Variants in WASL observed in about 807,000 individuals in gnomAD.
The protein encoded by WASL is actin nucleation-promoting factor WASL.
Under a neutral mutation model 55.5 loss-of-function variants are expected in WASL, and 20 were observed. The ratio of observed to expected loss-of-function variants is 0.36; its 90% CI spans 0.25 to 0.52. The LOEUF (loss-of-function observed/expected upper bound fraction) is 0.52, where lower values mean the gene tolerates loss of function less well. Among genes scored for constraint, WASL ranks in the 20% least tolerant of loss-of-function variants. The pLI is 0.92. For missense variants in WASL, 504 were observed against 622.5 expected (o/e 0.81, Z 2.03); for synonymous variants, 249 against 217.6 (o/e 1.14, Z -1.27).
At chr7:123,742,954 T>C (rs375713615) in intron 1 of WASL, among the ~76,000 whole-genome samples, 1 of 152,222 alleles carries the variant, frequency 6.6e-6, no homozygotes, top group African/African-American at 2.4e-5. Context: ...GAATCTAGAA[T>C]AGTTAAACTG....
intron 2 of WASL, 71 bp from the exon 3 acceptor site, chr7:123,706,897 A>G: frequency 1.1e-6 from 1 of 896,644 alleles, no homozygotes; most frequent in Non-Finnish European, 1.7e-6. Flanking sequence ...AAAGAAGATG[A>G]CTCATATTAA....
chr7:123,747,309 A>G (rs576282224), intron 1 of WASL, among the ~76,000 whole-genome samples: 1 of 152,276 alleles, frequency 6.6e-6, no homozygotes, highest in Non-Finnish European at 1.5e-5. Context: ...GTTGTTACCC[A>G]AAATTCTCGT....
intron 1 of WASL, among the ~76,000 whole-genome samples, chr7:123,733,267 A>G (rs545800760): frequency 3.9e-5 from 6 of 152,226 alleles, no homozygotes; most frequent in Non-Finnish European, 8.8e-5. Context: ...AGAATCAAAG[A>G]AACAAAAAAT....
Position 123,748,861 on chromosome 7 carries a change from C to A in WASL, c.-127G>T, listed in dbSNP as rs1357144747. 1.3e-6 allele frequency: 1 copy of A among 756,118 alleles called. No individual in the cohort carries two copies. The highest frequency in any genetic ancestry group is 2.0e-6 in the Non-Finnish European group (1 of 490,978). The allele number at this position is 756,118 out of a possible 1,614,324, so 46.8% of individuals were successfully genotyped here. On this transcript the variant is annotated 5_prime_UTR_variant, in exon 1 of 11. Coordinates refer to ENST00000223023, the MANE Select transcript of WASL (RefSeq NM_003941.4). Reference sequence around the variant, plus strand: ...GAGGCGCCACATCTCGCAGCTCCTCCGGAGCGGGGAGGAGGACGAGGTCGA... The same window carrying A: ...GAGGCGCCACATCTCGCAGCTCCTCAGGAGCGGGGAGGAGGACGAGGTCGA...
At chr7:123,718,502 C>CA (rs1236635827) in intron 1 of WASL, among the ~76,000 whole-genome samples, 2 of 152,152 alleles carry the variant, frequency 1.3e-5, no homozygotes, top group Non-Finnish European at 1.5e-5. Flanking sequence ...TGGGTAATGA[C>CA]AATGAGTGTA....
rs73441471 is a variant in WASL, at chr7:123,739,463, A to C, written c.117+9155T>G. Among the ~76,000 whole-genome samples the C allele has an allele frequency of 5.4e-3, 830 of 152,370 alleles. 9 individuals are homozygous for C. Among genetic ancestry groups the C allele is most frequent in the Middle Eastern group, 0.017 (5 of 294 alleles). ...AATGGTGCGAAAGCAATATGCATTC[A>C]GTAGAAACCATACTTTGAGTACCCA... On this transcript the variant is annotated intron_variant, in intron 1 of 10. Coordinates refer to ENST00000223023, the MANE Select transcript of WASL (RefSeq NM_003941.4).
At chr7:123,731,304 A>G (rs1343140409) in intron 1 of WASL, among the ~76,000 whole-genome samples, 1 of 152,242 alleles carries the variant, frequency 6.6e-6, no homozygotes, top group East Asian at 1.9e-4. Flanking sequence ...ACAGGTCAAA[A>G]TACATGAGGC....
At chr7:123,719,739 G>C (rs1230209369) in intron 1 of WASL, among the ~76,000 whole-genome samples, 1 of 152,146 alleles carries the variant, frequency 6.6e-6, no homozygotes, top group East Asian at 1.9e-4. Flanking sequence ...CTCTCTTGCT[G>C]ACCTGTCTGT....
At chr7:123,723,579 T>TA (rs1308198671) in intron 1 of WASL, among the ~76,000 whole-genome samples, 6 of 152,220 alleles carry the variant, frequency 3.9e-5, no homozygotes, top group Admixed American at 3.9e-4. Context: ...CTTCCAGTGT[T>TA]AGAGACTCAT....
intron 1 of WASL, among the ~76,000 whole-genome samples, chr7:123,724,274 T>C (rs1804006218): frequency 6.6e-6 from 1 of 152,146 alleles, no homozygotes; most frequent in Non-Finnish European, 1.5e-5. Context: ...ACCCAATATA[T>C]ATCAGAGATA....
chr7:123,686,282 C>T (rs1253810881), intron 10 of WASL, among the ~76,000 whole-genome samples: 1 of 151,806 alleles, frequency 6.6e-6, no homozygotes, highest in Non-Finnish European at 1.5e-5. Flanking sequence ...TCAATTGAGT[C>T]ATGTTAATTT....
chr7:123,711,801 G>A (rs1803762483), intron 1 of WASL, among the ~76,000 whole-genome samples: 2 of 151,958 alleles, frequency 1.3e-5, no homozygotes, highest in South Asian at 4.2e-4. Context: ...AACAACCTAA[G>A]AACAAGTGCT....
chr7:123,694,287 T>C (rs1803459212), intron 8 of WASL, among the ~76,000 whole-genome samples: 1 of 152,186 alleles, frequency 6.6e-6, no homozygotes, highest in Non-Finnish European at 1.5e-5. Flanking sequence ...TTTCATACTT[T>C]ATCCAAGAAA....
Position 123,711,165 on chromosome 7 carries a change from G to C in WASL, c.118-1942C>G, listed in dbSNP as rs10248791. Among the ~76,000 whole-genome samples, 1,247 of 152,028 alleles carry C rather than the reference G, an allele frequency of 8.2e-3. 19 individuals are homozygous for C. The highest frequency in any genetic ancestry group is 0.029 in the African/African-American group (1,183 of 41,454). ...ACAAAAAAGTTATTCAATAGGGTCT[G>C]AAATCCCATTATGAAAATCCCCTTG... On this transcript the variant is annotated intron_variant, in intron 1 of 10. Coordinates refer to ENST00000223023, the MANE Select transcript of WASL (RefSeq NM_003941.4).
chr7:123,730,076 T>C (rs1804113339), intron 1 of WASL, among the ~76,000 whole-genome samples: 1 of 152,070 alleles, frequency 6.6e-6, no homozygotes, highest in Admixed American at 6.5e-5. Flanking sequence ...TTTAAAGTGT[T>C]GAAAGAAAAA....
intron 10 of WASL, 148 bp from the exon 11 acceptor site, chr7:123,684,728 T>C: frequency 2.9e-6 from 2 of 696,290 alleles, no homozygotes; most frequent in South Asian, 4.6e-5. Context: ...TTAAAGTGAA[T>C]CTAAAGAAAT....
rs371604759 is a variant in WASL at position 123,724,290 on chromosome 7, CAATT to C, written c.118-15071_118-15068del. On this transcript the variant is annotated intron_variant, in intron 1 of 10. Transcript: ENST00000223023. ...CCCAATATATATCAGAGATAGCAGC[CAATT>C]AATCTGCAGACCCCCAAACATATCA... is the stretch of plus-strand genomic sequence containing the variant. Among the ~76,000 whole-genome samples, 959 of 152,284 alleles carry C rather than the reference CAATT, an allele frequency of 6.3e-3. 8 individuals are homozygous for C. The highest frequency in any genetic ancestry group is 0.021 in the African/African-American group (888 of 41,568).
intron 3 of WASL, 69 bp downstream of exon 3, chr7:123,706,667 TATAA>T (rs751747165): frequency 2.9e-4 from 326 of 1,120,974 alleles, no homozygotes; most frequent in Non-Finnish European, 3.8e-4. Flanking sequence ...AATAAGGTTC[TATAA>T]ATAATTTGGA....
chr7:123,688,341 C>T (rs1240917449), intron 10 of WASL, among the ~76,000 whole-genome samples: 2 of 151,390 alleles, frequency 1.3e-5, no homozygotes, highest in Non-Finnish European at 2.9e-5. Flanking sequence ...GTAAATGGCC[C>T]GATTTATTAT....
Sources: allele counts gnomAD v4.1 joint callset (sites outside exome capture counted in the v4.1 genomes callset), GRCh38; gene constraint gnomAD v4.1.1; transcripts MANE v1.5; gene names NCBI Gene and HGNC (gene_info 2026-07-23, HGNC 2026-07-21).